Variants in SPDYA observed in about 807,000 individuals in gnomAD.
The protein encoded by SPDYA is speedy/RINGO cell cycle regulator family member A, also known as speedy protein A.
A neutral mutation model predicts 36.7 loss-of-function variants in SPDYA; 11 were observed. That is an observed-to-expected ratio of 0.30 (90% confidence interval 0.19 to 0.50). The LOEUF (loss-of-function observed/expected upper bound fraction) is 0.50, where lower values mean the gene tolerates loss of function less well. Among genes scored for constraint, SPDYA ranks in the 20% least tolerant of loss-of-function variants. The pLI, the probability that SPDYA is intolerant of heterozygous loss-of-function variation, is 0.98. For missense variants in SPDYA, 287 were observed against 370.9 expected (o/e 0.77, Z 1.86); for synonymous variants, 115 against 118.7 (o/e 0.97, Z 0.20).
intron 7 of SPDYA, among the ~76,000 whole-genome samples, chr2:28,847,329 C>T (rs929353905): frequency 1.3e-5 from 2 of 151,880 alleles, no homozygotes; most frequent in South Asian, 2.1e-4. Context: ...GGCAACAGAG[C>T]GAGACTCTGT....
chr2:28,833,925 A>G (rs1186398570), intron 6 of SPDYA, among the ~76,000 whole-genome samples: 1 of 152,178 alleles, frequency 6.6e-6, no homozygotes, highest in Non-Finnish European at 1.5e-5. Flanking sequence ...GACCTATAAA[A>G]TGAAAAAAAT....
intron 6 of SPDYA, among the ~76,000 whole-genome samples, chr2:28,839,080 A>C (rs767210584): frequency 6.6e-6 from 1 of 152,194 alleles, no homozygotes; most frequent in Non-Finnish European, 1.5e-5. Flanking sequence ...CCAGATCCTC[A>C]CTATGTGATG....
At chr2:28,825,354 G>A (rs1327425672) in intron 5 of SPDYA, among the ~76,000 whole-genome samples, 1 of 151,908 alleles carries the variant, frequency 6.6e-6, no homozygotes, top group Non-Finnish European at 1.5e-5. Context: ...TACCAGTAGA[G>A]CACTATTGAG....
chr2:28,841,695 C>CA (rs1668753301), intron 7 of SPDYA, among the ~76,000 whole-genome samples: 1 of 152,182 alleles, frequency 6.6e-6, no homozygotes, highest in African/African-American at 2.4e-5. Flanking sequence ...GGTTATGCCT[C>CA]AGTCATTGTT....
chr2:28,815,124 T>C (rs1667952683), intron 2 of SPDYA, among the ~76,000 whole-genome samples: 1 of 151,802 alleles, frequency 6.6e-6, no homozygotes, highest in Non-Finnish European at 1.5e-5. Context: ...TCTACAAAAA[T>C]TTAAAAAATA....
intron 6 of SPDYA, 38 bp from the exon 7 acceptor site, chr2:28,840,134 A>G (rs746603065): frequency 2.6e-6 from 4 of 1,566,732 alleles, no homozygotes; most frequent in Admixed American, 1.9e-5. Context: ...AAATTTTGAA[A>G]TATTACTAAA....
chr2:28,817,750 C>T (rs552172337), intron 3 of SPDYA, among the ~76,000 whole-genome samples: 15 of 137,668 alleles, frequency 1.1e-4, no homozygotes, highest in Admixed American at 2.4e-4. Context: ...ACTTGGGAGG[C>T]GGAGGCAGGA....
chr2:28,823,137 C>G (rs1668212112), intron 5 of SPDYA, among the ~76,000 whole-genome samples: 1 of 152,150 alleles, frequency 6.6e-6, no homozygotes, highest in Non-Finnish European at 1.5e-5. Flanking sequence ...GGACCTATAT[C>G]TATAACATAG....
rs531243160 is a variant in SPDYA at position 28,827,547 on chromosome 2, T to C, written c.381-1601T>C. ...TGTTTTGTAATATTTTTATTGTAAG[T>C]TGCCTGTTTTTCTTGGAAAGTCATC... On this transcript the variant is annotated intron_variant, in intron 5 of 7. Coordinates refer to ENST00000334056, the MANE Select transcript of SPDYA (RefSeq NM_182756.4). 2.0e-5 allele frequency among the ~76,000 whole-genome samples: 3 copies of C among 152,330 alleles called. No individual in the cohort carries two copies. In the South Asian group the frequency reaches 6.2e-4, roughly 32 times the overall value.
chr2:28,833,068 C>T (rs1241301020), intron 6 of SPDYA, among the ~76,000 whole-genome samples: 1 of 152,114 alleles, frequency 6.6e-6, no homozygotes, highest in East Asian at 1.9e-4. Context: ...AATCCTGTGC[C>T]TAAGCAATCC....
chr2:28,823,745 A>AT lies in SPDYA; in HGVS notation c.380+1335_380+1336insT, dbSNP rs1491479223. 6.4e-3 allele frequency among the ~76,000 whole-genome samples: 272 copies of AT among 42,706 alleles called. 1 individual carries two copies. Among genetic ancestry groups the AT allele is most frequent in the South Asian group, 0.023 (23 of 996 alleles). The allele number at this position is 42,706 out of a possible 152,430, so 28.0% of individuals were successfully genotyped here. On this transcript the variant is annotated intron_variant, in intron 5 of 7. Coordinates refer to ENST00000334056, the MANE Select transcript of SPDYA (RefSeq NM_182756.4). ...TATATATATATATATATATATATAT[A>AT]AAATTTTTTTTTTTTTTTGAGATGG...
intron 5 of SPDYA, among the ~76,000 whole-genome samples, chr2:28,822,839 C>G (rs1341297528): frequency 1.3e-5 from 2 of 152,164 alleles, no homozygotes; most frequent in African/African-American, 2.4e-5. Flanking sequence ...ATCTCCTGAC[C>G]TCGTGATCTG....
intron 7 of SPDYA, chr2:28,840,869 C>T: frequency 1.4e-6 from 1 of 708,262 alleles, no homozygotes; most frequent in Non-Finnish European, 1.7e-6. Flanking sequence ...TATATCTAGG[C>T]CTGCTTTTTT....
intron 2 of SPDYA, 111 bp from the exon 3 acceptor site, chr2:28,815,886 T>G (rs1667970994): frequency 2.9e-6 from 2 of 678,630 alleles, no homozygotes; most frequent in Non-Finnish European, 4.7e-6. Context: ...AACATTTTAA[T>G]GGCAAGTTTA....
At chr2:28,822,515 C>A (rs1050226706) in intron 5 of SPDYA, 105 bp downstream of exon 5, 3 of 479,482 alleles carry the variant, frequency 6.3e-6, no homozygotes, top group Non-Finnish European at 7.2e-6. Context: ...TTTGAATAGG[C>A]CTTCCTGTAT....
chr2:28,833,612 T>TG (rs1185150301), intron 6 of SPDYA, among the ~76,000 whole-genome samples: 1 of 152,152 alleles, frequency 6.6e-6, no homozygotes, highest in African/African-American at 2.4e-5. Flanking sequence ...GAAAATTCAA[T>TG]GGGGAAAATG....
intron 7 of SPDYA, among the ~76,000 whole-genome samples, chr2:28,847,781 A>T (rs1452714162): frequency 2.0e-5 from 3 of 150,250 alleles, no homozygotes; most frequent in Non-Finnish European, 4.5e-5. Context: ...AAAAGAAAAG[A>T]AGAAGGATGG....
At chr2:28,835,383 A>C (rs1668569877) in intron 6 of SPDYA, among the ~76,000 whole-genome samples, 1 of 152,158 alleles carries the variant, frequency 6.6e-6, no homozygotes, top group African/African-American at 2.4e-5. Context: ...GATTACAGGC[A>C]TGCGCCACCA....
intron 4 of SPDYA, among the ~76,000 whole-genome samples, chr2:28,819,922 G>T (rs1047287365): frequency 1.6e-5 from 2 of 127,900 alleles, no homozygotes; most frequent in South Asian, 2.5e-4. Flanking sequence ...GAGGCAGGAG[G>T]ATTGCTTGAG....
Sources: allele counts gnomAD v4.1 joint callset (sites outside exome capture counted in the v4.1 genomes callset), GRCh38; gene constraint gnomAD v4.1.1; transcripts MANE v1.5; gene names NCBI Gene and HGNC (gene_info 2026-07-23, HGNC 2026-07-21).